B3GALNT1: variants seen among roughly 807,000 people sequenced by gnomAD.
B3GALNT1 encodes beta-1,3-N-acetylgalactosaminyltransferase 1 (Globoside blood group).
Under a neutral mutation model 27.3 loss-of-function variants are expected in B3GALNT1, and 17 were observed. The ratio of observed to expected loss-of-function variants is 0.62; its 90% CI spans 0.43 to 0.94. The LOEUF is 0.94. B3GALNT1 is among the 40% of genes least tolerant of loss of function. The pLI is 0.00. For synonymous variants in B3GALNT1, 141 were observed against 144.0 expected, an observed-to-expected ratio of 0.98 and a Z score of 0.15; for missense variants, 347 against 390.0, an observed-to-expected ratio of 0.89 and a Z score of 0.93.
At chr3:161,093,002 C>A (rs1726140778) in intron 4 of B3GALNT1, among the ~76,000 whole-genome samples, 1 of 151,980 alleles carries the variant, frequency 6.6e-6, no homozygotes, top group South Asian at 2.1e-4. Context: ...TGTGATCCAC[C>A]CGCCTCGGCC....
chr3:161,100,550 A>C (rs1730695010), intron 4 of B3GALNT1, among the ~76,000 whole-genome samples: 1 of 152,228 alleles, frequency 6.6e-6, no homozygotes, highest in Non-Finnish European at 1.5e-5. Flanking sequence ...ACATGTAAGT[A>C]AGACATATTA....
At chr3:161,097,767 C>A (rs1380972855) in intron 4 of B3GALNT1, among the ~76,000 whole-genome samples, 3 of 152,170 alleles carry the variant, frequency 2.0e-5, no homozygotes, top group Non-Finnish European at 2.9e-5. Flanking sequence ...TGGAGGAGAG[C>A]TGCAAAATAC....
At chr3:161,101,063 C>G in intron 4 of B3GALNT1, 76 bp downstream of exon 4, 1 of 1,169,282 alleles carries the variant, frequency 8.6e-7, no homozygotes, top group East Asian at 5.7e-5. Context: ...CCAGGAGAGA[C>G]CAACCTCACA....
chr3:161,102,662 T>G (rs75252311), intron 3 of B3GALNT1, among the ~76,000 whole-genome samples: 3,900 of 152,326 alleles, frequency 0.026, 165 homozygotes, highest in African/African-American at 0.089. Context: ...GTATCTGTTG[T>G]GCAAGGTCAT....
intron 1 of B3GALNT1, 97 bp from the exon 2 acceptor site, chr3:161,104,503 CTACCCG>C: frequency 2.2e-6 from 1 of 458,104 alleles, no homozygotes; most frequent in Non-Finnish European, 3.7e-6. Context: ...AATTCAAAGA[CTACCCG>C]TACTTGAGGA....
intron 4 of B3GALNT1, among the ~76,000 whole-genome samples, chr3:161,095,871 G>A (rs1475438514): frequency 6.6e-6 from 1 of 152,190 alleles, no homozygotes; most frequent in African/African-American, 2.4e-5. Context: ...AAAGCCCCCC[G>A]AGTGTTCTTT....
At chr3:161,090,078 TAAAC>T (rs1724218155) in intron 4 of B3GALNT1, 1 of 160,094 alleles carries the variant, frequency 6.2e-6, no homozygotes, top group Admixed American at 6.4e-5. Context: ...TCAAAATAAA[TAAAC>T]AAACATCATT....
At chr3:161,090,462 A>G (rs574808369) in intron 4 of B3GALNT1, among the ~76,000 whole-genome samples, 3 of 152,294 alleles carry the variant, frequency 2.0e-5, no homozygotes, top group African/African-American at 7.2e-5. Context: ...ATTTAAAAAG[A>G]AAACTAATAA....
chr3:161,098,855 G>C (rs1448523863), intron 4 of B3GALNT1, among the ~76,000 whole-genome samples: 1 of 152,192 alleles, frequency 6.6e-6, no homozygotes, highest in Non-Finnish European at 1.5e-5. Flanking sequence ...GAGATTCACT[G>C]AGAATGCTCT....
rs942269831 is a variant in B3GALNT1, at chr3:161,085,063, A to C, written c.*696T>G. ...AAGTCCAAGAGATTACTGATATGCA[A>C]TAATGACCTATGACTTTACATTAAT... is the stretch of plus-strand genomic sequence containing the variant. On this transcript the variant is annotated 3_prime_UTR_variant, in exon 5 of 5. Transcript: ENST00000320474. The C allele has an allele frequency of 1.3e-5, 2 of 152,244 alleles. No individual in the cohort carries two copies. The highest frequency in any genetic ancestry group is 4.8e-5 in the African/African-American group (2 of 41,474). 9.4% of individuals were successfully genotyped at this position (152,244 alleles called of 1,614,324 possible). A position where few individuals can be genotyped will look rare whatever the true frequency, so the allele number is the denominator to read the frequency against.
chr3:161,090,592 A>C (rs1724526047), intron 4 of B3GALNT1, among the ~76,000 whole-genome samples: 1 of 152,170 alleles, frequency 6.6e-6, no homozygotes, highest in African/African-American at 2.4e-5. Context: ...AAAAATTTAA[A>C]AACCATAAAA....
chr3:161,104,508 C>G (rs1733213004), intron 1 of B3GALNT1, 102 bp from the exon 2 acceptor site: 4 of 446,058 alleles, frequency 9.0e-6, no homozygotes, highest in South Asian at 4.0e-5. Context: ...AAAGACTACC[C>G]GTACTTGAGG....
chr3:161,085,497 T>C lies in B3GALNT1; in HGVS notation c.*262A>G. 2.1e-6 allele frequency: 1 copy of C among 476,918 alleles called. No homozygotes were observed. Among genetic ancestry groups the C allele is most frequent in the South Asian group, 2.5e-5 (1 of 39,374 alleles). 29.5% of individuals were successfully genotyped at this position (476,918 alleles called of 1,614,324 possible). A position where few individuals can be genotyped will look rare whatever the true frequency, so the allele number is the denominator to read the frequency against. ...AGAAATTCTAGTCTACAGAATGACA[T>C]GTCCAAATTGTTTGGTCCTATTAAT... On this transcript the variant is annotated 3_prime_UTR_variant, in exon 5 of 5. Transcript: ENST00000320474.
At chr3:161,105,135 C>T (rs1479154885) in intron 1 of B3GALNT1, 100 bp downstream of exon 1, 1 of 152,366 alleles carries the variant, frequency 6.6e-6, no homozygotes, top group Non-Finnish European at 1.5e-5. Flanking sequence ...TTTCCGAGGA[C>T]GGCGCGTTCC....
chr3:161,099,282 G>C (rs61272208), intron 4 of B3GALNT1, among the ~76,000 whole-genome samples: 196 of 151,644 alleles, frequency 1.3e-3, no homozygotes, highest in African/African-American at 4.5e-3. Context: ...AATTTTGTAG[G>C]CAGGAAAAAA....
chr3:161,101,879 C>T (rs989513277), intron 3 of B3GALNT1, among the ~76,000 whole-genome samples: 3 of 152,138 alleles, frequency 2.0e-5, no homozygotes, highest in African/African-American at 7.2e-5. Context: ...AAATAGCAGC[C>T]AAATACAATT....
chr3:161,101,778 G>A (rs1046548051), intron 3 of B3GALNT1, among the ~76,000 whole-genome samples: 1 of 152,126 alleles, frequency 6.6e-6, no homozygotes, highest in Non-Finnish European at 1.5e-5. Flanking sequence ...ATGGAGAAGG[G>A]AACTATTTAA....
intron 4 of B3GALNT1, among the ~76,000 whole-genome samples, chr3:161,092,852 C>T (rs968328652): frequency 2.0e-5 from 3 of 150,612 alleles, no homozygotes; most frequent in African/African-American, 2.5e-5. Context: ...CTGCGCCTCC[C>T]GGGTTCACAC....
rs199813560 is a variant in B3GALNT1 at position 161,086,671 on chromosome 3, C to A, written c.84G>T (p.Leu28=). 1 of 1,614,042 alleles carries A rather than the reference C, an allele frequency of 6.2e-7. No homozygotes were observed. Among genetic ancestry groups the A allele is most frequent in the African/African-American group, 1.3e-5 (1 of 74,922 alleles). The part of the protein sequence containing the change: ...LKWSLLLLSL[L]SFFVMWYLSL... ...TGAGGTACCACATCACAAAGAAACTCAGGAGTGACAGCAGCAGGAGGCTCC... is the reference window on the plus strand; with the variant it reads ...TGAGGTACCACATCACAAAGAAACTAAGGAGTGACAGCAGCAGGAGGCTCC... The change falls in exon 5 of 5, where the codon CTG becomes CTT. Residue 28 remains leucine, a synonymous_variant. Transcript: ENST00000320474.
Sources: allele counts gnomAD v4.1 joint callset (sites outside exome capture counted in the v4.1 genomes callset), GRCh38; gene constraint gnomAD v4.1.1; transcripts MANE v1.5; gene names NCBI Gene and HGNC (gene_info 2026-07-23, HGNC 2026-07-21).